LRRN3: variants seen among roughly 807,000 people sequenced by gnomAD.
LRRN3 encodes the protein leucine rich repeat neuronal 3.
In LRRN3, 15 loss-of-function variants were observed where a neutral mutation model predicts 40.1. That is an observed-to-expected ratio of 0.37 (90% confidence interval 0.25 to 0.58). The LOEUF is 0.58. Ranked by LOEUF, LRRN3 falls within the 20% of genes least tolerant of loss-of-function variation. The probability of loss-of-function intolerance (pLI) is 0.72; values close to 1 mark genes in which losing one functional copy is unlikely to be tolerated. For missense variants in LRRN3, 746 were observed against 837.7 expected (o/e 0.89, Z 1.35); for synonymous variants, 308 against 297.2 (o/e 1.04, Z -0.37).
chr7:111,116,698 T>G (rs1022200059), intron 2 of LRRN3, among the ~76,000 whole-genome samples: 2 of 152,178 alleles, frequency 1.3e-5, no homozygotes, highest in African/African-American at 4.8e-5. Flanking sequence ...ACAGTTTTTA[T>G]TTTATTCCTT....
At chr7:111,117,600 T>C (rs1156816790) in intron 2 of LRRN3, among the ~76,000 whole-genome samples, 2 of 152,008 alleles carry the variant, frequency 1.3e-5, no homozygotes, top group East Asian at 1.9e-4. Context: ...CCAAGGAAAA[T>C]AGAACAGTCT....
intron 2 of LRRN3, among the ~76,000 whole-genome samples, chr7:111,108,870 G>T (rs1798850559): frequency 6.6e-6 from 1 of 152,022 alleles, no homozygotes; most frequent in Non-Finnish European, 1.5e-5. Context: ...AAAAGCAACT[G>T]ATATTCATTC....
chr7:111,111,788 T>C (rs186247800), intron 2 of LRRN3, among the ~76,000 whole-genome samples: 1 of 151,880 alleles, frequency 6.6e-6, no homozygotes, highest in East Asian at 1.9e-4. Flanking sequence ...GAGGCTTCTA[T>C]AAAGTTAAGT....
At position 111,124,126 on chromosome 7, in the gene LRRN3, C is replaced by T; in HGVS notation, c.1354C>T (p.Pro452Ser). The change falls in exon 3 of 3, where the codon CCT (proline) becomes TCT (serine). Residue 452 changes from proline to serine, a missense_variant. Transcript: ENST00000308478. ...FHCRATAEPQ[P>S]EIYWITPSGQ... ...CTGTAGAGCTACTGCAGAACCACAG[C>T]CTGAAATCTACTGGATAACACCTTC... 6.2e-7 allele frequency: 1 copy of T among 1,613,998 alleles called. No homozygotes were observed. Among genetic ancestry groups the T allele is most frequent in the Non-Finnish European group, 8.5e-7 (1 of 1,179,976 alleles).
chr7:111,110,106 G>A (rs1377362015), intron 2 of LRRN3, among the ~76,000 whole-genome samples: 9 of 152,180 alleles, frequency 5.9e-5, no homozygotes, highest in Non-Finnish European at 1.2e-4. Context: ...CTGCACTCCA[G>A]CCTAGGCAAC....
chr7:111,123,455 C>A lies in LRRN3; in HGVS notation c.683C>A (p.Pro228Gln). The A allele has an allele frequency of 6.2e-7, 1 of 1,613,400 alleles. No individual in the cohort carries two copies. Among genetic ancestry groups the A allele is most frequent in the Non-Finnish European group, 8.5e-7 (1 of 1,179,820 alleles). ...GCTGGTATAAACCTCACAGAAATAC[C>A]AGATAACGCCTTGGTTGGACTGGAA... ...VIAGINLTEIPDNALVGLENL... is the reference protein window; with the variant it reads ...VIAGINLTEIQDNALVGLENL... The change falls in exon 3 of 3, where the codon CCA becomes CAA. Residue 228 changes from proline (P) to glutamine (Q), a missense_variant. Coordinates refer to ENST00000308478, the MANE Select transcript of LRRN3 (RefSeq NM_001099658.2). This position sits in a 1 kb window ranked among gnomAD's most constrained non-coding sequence, Gnocchi z 6.4.
chr7:111,113,688 G>A (rs916148097), intron 2 of LRRN3, among the ~76,000 whole-genome samples: 2 of 151,772 alleles, frequency 1.3e-5, no homozygotes, highest in Non-Finnish European at 2.9e-5. Flanking sequence ...TGAAATGCAG[G>A]ATAATTGAAA....
chr7:111,105,825 T>G (rs1586301421), intron 2 of LRRN3, among the ~76,000 whole-genome samples: 1 of 152,036 alleles, frequency 6.6e-6, no homozygotes, highest in Non-Finnish European at 1.5e-5. Flanking sequence ...CACATGAATG[T>G]GATAGGGCCA....
intron 2 of LRRN3, among the ~76,000 whole-genome samples, chr7:111,119,377 G>T (rs889426943): frequency 6.6e-6 from 1 of 152,126 alleles, no homozygotes; most frequent in African/African-American, 2.4e-5. Context: ...TTTTACTAAA[G>T]AAATCAACCA....
chr7:111,121,863 T>G (rs1376348934), intron 2 of LRRN3, among the ~76,000 whole-genome samples: 1 of 151,864 alleles, frequency 6.6e-6, no homozygotes, highest in African/African-American at 2.4e-5. Flanking sequence ...ATTAAGAAAA[T>G]GTGGCAAATA....
chr7:111,106,327 C>G (rs1798543032), intron 2 of LRRN3, among the ~76,000 whole-genome samples: 1 of 151,868 alleles, frequency 6.6e-6, no homozygotes, highest in African/African-American at 2.4e-5. Flanking sequence ...TTTTCAAACT[C>G]TACAGACATT....
intron 1 of LRRN3, among the ~76,000 whole-genome samples, chr7:111,094,308 G>T (rs917910993): frequency 3.9e-5 from 6 of 152,116 alleles, no homozygotes; most frequent in Non-Finnish European, 2.9e-5. Context: ...ATGGGCAGAG[G>T]TGAGGTATCT....
chr7:111,119,385 C>G (rs1800303643), intron 2 of LRRN3, among the ~76,000 whole-genome samples: 1 of 152,156 alleles, frequency 6.6e-6, no homozygotes, highest in African/African-American at 2.4e-5. Context: ...AAGAAATCAA[C>G]CATATCTAAG....
In LRRN3 at chr7:111,123,956, T is replaced by C; in HGVS notation, c.1184T>C (p.Phe395Ser). ...CGATTCATGGAGCCAGATTCACTGT[T>C]TTGCGTGGACCCACCTGAATTCCAA... ...NIRFMEPDSL[F>S]CVDPPEFQGQ... The change falls in exon 3 of 3, where the codon TTT (phenylalanine) becomes TCT (serine). Residue 395 changes from phenylalanine to serine, a missense_variant. Physicochemically the swap from Phe to Ser is radical, Grantham distance 155. Coordinates refer to ENST00000308478, the MANE Select transcript of LRRN3 (RefSeq NM_001099658.2). The surrounding 1 kb of genome is among the most constrained non-coding windows in gnomAD (Gnocchi z 6.4). The C allele has an allele frequency of 6.2e-7, 1 of 1,614,000 alleles. No homozygotes were observed. The highest frequency in any genetic ancestry group is 8.5e-7 in the Non-Finnish European group (1 of 1,179,976).
At chr7:111,103,161 G>C (rs1011577485) in intron 2 of LRRN3, among the ~76,000 whole-genome samples, 4 of 151,504 alleles carry the variant, frequency 2.6e-5, no homozygotes, top group Non-Finnish European at 4.4e-5. Flanking sequence ...CCTGCAAAAT[G>C]TAACTATATC....
At chr7:111,102,419 A>G (rs747215857) in intron 2 of LRRN3, among the ~76,000 whole-genome samples, 5 of 151,650 alleles carry the variant, frequency 3.3e-5, no homozygotes, top group South Asian at 2.1e-4. Context: ...CAGAAGCACA[A>G]TTCACTGTCA....
At chr7:111,108,032 A>G (rs1167500407) in intron 2 of LRRN3, among the ~76,000 whole-genome samples, 1 of 152,060 alleles carries the variant, frequency 6.6e-6, no homozygotes. Flanking sequence ...CTTTCTTTAC[A>G]ATACTGTTTT....
At chr7:111,111,660 C>T (rs979543564) in intron 2 of LRRN3, among the ~76,000 whole-genome samples, 4 of 151,704 alleles carry the variant, frequency 2.6e-5, no homozygotes, top group Admixed American at 6.6e-5. Flanking sequence ...AACTAATGTC[C>T]CCCCCTGCGT....
rs1451609028 is a variant in LRRN3 at position 111,099,941 on chromosome 7, T to C, written c.-380T>C. The C allele has an allele frequency of 6.6e-6, 1 of 151,632 alleles. No homozygotes were observed. The allele number at this position is 151,632 out of a possible 1,614,324, so 9.4% of individuals were successfully genotyped here. A position where few individuals can be genotyped will look rare whatever the true frequency, so the allele number is the denominator to read the frequency against. The stretch of plus-strand genomic sequence containing the variant: ...GATGTTGGGCAACATTTATTTAACA[T>C]GCTCCACAGCCCGGACCCTGGGTAA... On this transcript the variant is annotated 5_prime_UTR_variant, in exon 2 of 3. The change abolishes an upstream ATG in the 5' untranslated region. Transcript: ENST00000308478.
Sources: gnomAD v4.1 joint callset for allele counts (sites outside exome capture counted in the v4.1 genomes callset) on GRCh38, gnomAD v4.1.1 for gene constraint, Gnocchi (gnomAD v3.1) non-coding constraint, MANE v1.5 for transcripts, NCBI Gene and HGNC (gene_info 2026-07-23, HGNC 2026-07-21) for gene names.